The following TENM2 variants were observed in gnomAD, a reference collection of about 807,000 sequenced individuals.
TENM2 encodes teneurin transmembrane protein 2, also known as teneurin-2.
TENM2 carries 52 observed loss-of-function variants against 245.2 expected under a neutral mutation model. That is an observed-to-expected ratio of 0.21 (90% CI 0.17 to 0.27). The LOEUF (loss-of-function observed/expected upper bound fraction) is 0.27. TENM2 is among the 10% of genes least tolerant of loss of function. TENM2 has a pLI of 1.00. For missense variants in TENM2, 3,046 were observed against 3,666.8 expected, an observed-to-expected ratio of 0.83 and a Z score of 4.37; for synonymous variants, 1,363 against 1,438.9, an observed-to-expected ratio of 0.95 and a Z score of 1.19.
At chr5:168,016,171 T>C (rs988676382) in intron 5 of TENM2, among the ~76,000 whole-genome samples, 7 of 152,312 alleles carry the variant, frequency 4.6e-5, no homozygotes, top group African/African-American at 1.7e-4. Context: ...CCCTATGGGA[T>C]TGTACTCTTT....
intron 26 of TENM2, 80 bp from the exon 29 acceptor site, chr5:168,246,677 A>C: frequency 7.3e-7 from 1 of 1,368,306 alleles, no homozygotes; most frequent in Non-Finnish European, 1.0e-6. Flanking sequence ...CATTTGGGGA[A>C]ATGGACTAAA....
chr5:167,400,996 C>T (rs1246819603), intron 2 of TENM2, among the ~76,000 whole-genome samples: 2 of 151,980 alleles, frequency 1.3e-5, no homozygotes, highest in African/African-American at 2.4e-5. Flanking sequence ...GAGGCTGAGG[C>T]AGAAGGATTG....
chr5:167,647,649 G>A (rs906002748), intron 2 of TENM2, among the ~76,000 whole-genome samples: 1 of 152,018 alleles, frequency 6.6e-6, no homozygotes, highest in South Asian at 2.1e-4. Context: ...AGGATGTTGC[G>A]AAGGGAAGGT....
At chr5:167,006,226 A>G in the TENM2 span, among the ~76,000 whole-genome samples, 16 of 152,312 alleles carry the variant, frequency 1.1e-4, no homozygotes, top group African/African-American at 3.4e-4. Flanking sequence ...CTAAAATATC[A>G]GAATAAACAG....
intron 2 of TENM2, among the ~76,000 whole-genome samples, chr5:167,508,166 A>G (rs1266118943): frequency 6.6e-6 from 1 of 152,186 alleles, no homozygotes; most frequent in Non-Finnish European, 1.5e-5. Context: ...CTTAAAAACA[A>G]TTGGCTCACA....
intron 2 of TENM2, among the ~76,000 whole-genome samples, chr5:167,757,748 C>A (rs1490898918): frequency 6.6e-6 from 1 of 152,182 alleles, no homozygotes. Context: ...TCCTTTCCAG[C>A]ATCTGGTGTT....
intron 2 of TENM2, among the ~76,000 whole-genome samples, chr5:167,765,449 A>T (rs1013261138): frequency 6.6e-6 from 1 of 152,138 alleles, no homozygotes; most frequent in African/African-American, 2.4e-5. Context: ...TTCTGAATAA[A>T]GGGGATGTCA....
intron 2 of TENM2, among the ~76,000 whole-genome samples, chr5:167,778,571 T>C (rs996246287): frequency 1.3e-5 from 2 of 152,050 alleles, no homozygotes; most frequent in Non-Finnish European, 2.9e-5. Context: ...GGATAGAAAA[T>C]TGAATTTCAT....
intron 2 of TENM2, among the ~76,000 whole-genome samples, chr5:167,802,117 T>C (rs912629687): frequency 2.6e-5 from 4 of 152,136 alleles, no homozygotes; most frequent in African/African-American, 9.7e-5. Flanking sequence ...ATATCTCTTT[T>C]ATGAAGTCAT....
intron 2 of TENM2, among the ~76,000 whole-genome samples, chr5:167,584,386 A>G (rs1164963183): frequency 1.3e-5 from 2 of 152,080 alleles, no homozygotes; most frequent in Non-Finnish European, 1.5e-5. Flanking sequence ...TGGTTGGAGG[A>G]GGTGACCAGT....
chr5:167,968,556 C>A (rs1221001169), intron 4 of TENM2, among the ~76,000 whole-genome samples: 2 of 152,178 alleles, frequency 1.3e-5, no homozygotes, highest in African/African-American at 4.8e-5. Flanking sequence ...AAAGGTATTG[C>A]ACACCAATAA....
intron 12 of TENM2, among the ~76,000 whole-genome samples, chr5:168,157,854 G>A (rs192537844): frequency 6.6e-6 from 1 of 152,312 alleles, no homozygotes; most frequent in Admixed American, 6.5e-5. Flanking sequence ...GAGGTCAGAA[G>A]ACTTGAGTTG....
chr5:167,184,994 C>T, the TENM2 span, among the ~76,000 whole-genome samples: 8 of 152,280 alleles, frequency 5.3e-5, no homozygotes, highest in East Asian at 3.9e-4. Context: ...AATTTAATGC[C>T]GCTGCTGATC....
In TENM2 at chr5:168,247,697, G is replaced by A. The variant is rs754754867; in HGVS notation, c.6758G>A (p.Arg2253Gln). The change falls in exon 27 of 29, where the codon CGG becomes CAG. Residue 2253 changes from arginine to glutamine, a missense_variant. Coordinates refer to ENST00000518659, the Ensembl canonical transcript of TENM2. This position sits in a 1 kb window ranked among gnomAD's most constrained non-coding sequence, Gnocchi z 7.8. ...CCCTTGCGCTATGACCTCCGGGATCGGATAACCAGACTCGGGGATGTGCAG... is the reference window on the plus strand; with the variant it reads ...CCCTTGCGCTATGACCTCCGGGATCAGATAACCAGACTCGGGGATGTGCAG... 189 of 1,613,708 alleles carry A rather than the reference G, an allele frequency of 1.2e-4. No homozygotes were observed. Among genetic ancestry groups the A allele is most frequent in the Admixed American group, 3.3e-4 (20 of 59,994 alleles).
chr5:167,958,184 T>C (rs2151870720), intron 4 of TENM2, among the ~76,000 whole-genome samples: 1 of 152,340 alleles, frequency 6.6e-6, no homozygotes, highest in East Asian at 1.9e-4. Context: ...ATATTTAGGA[T>C]AGTTAGCTCT....
intron 2 of TENM2, among the ~76,000 whole-genome samples, chr5:167,555,923 A>G (rs913508640): frequency 6.6e-6 from 1 of 152,168 alleles, no homozygotes; most frequent in African/African-American, 2.4e-5. Context: ...ATAGAAGAGA[A>G]AGGAACCTTG....
At chr5:167,579,032 A>G (rs149595474) in intron 2 of TENM2, among the ~76,000 whole-genome samples, 1 of 152,312 alleles carries the variant, frequency 6.6e-6, no homozygotes, top group African/African-American at 2.4e-5. Flanking sequence ...TAGATGAGTG[A>G]CTTTCCTTGT....
At chr5:167,823,745 T>C (rs1767732318) in intron 2 of TENM2, among the ~76,000 whole-genome samples, 1 of 152,176 alleles carries the variant, frequency 6.6e-6, no homozygotes, top group Admixed American at 6.5e-5. Context: ...CAAGTCACTT[T>C]TTTAACCCTT....
At chr5:167,571,040 G>C (rs1774235683) in intron 2 of TENM2, among the ~76,000 whole-genome samples, 1 of 152,196 alleles carries the variant, frequency 6.6e-6, no homozygotes, top group African/African-American at 2.4e-5. Flanking sequence ...AAGAGGGTCA[G>C]AGTGGAAAGA....
Sources: gnomAD v4.1 joint callset for allele counts (sites outside exome capture counted in the v4.1 genomes callset) on GRCh38, gnomAD v4.1.1 for gene constraint, Gnocchi (gnomAD v3.1) non-coding constraint, MANE v1.5 for transcripts, NCBI Gene and HGNC (gene_info 2026-07-23, HGNC 2026-07-21) for gene names.